Variants in ZBTB11 observed in about 807,000 individuals in gnomAD.
ZBTB11 encodes zinc finger and BTB domain-containing protein 11.
Under a neutral mutation model 113.1 loss-of-function variants are expected in ZBTB11, and 68 were observed. That is an observed-to-expected ratio of 0.60 (90% CI 0.49 to 0.74). The LOEUF (loss-of-function observed/expected upper bound fraction) is 0.74. Among genes scored for constraint, ZBTB11 ranks in the 30% least tolerant of loss-of-function variants. The pLI is 0.00. For synonymous variants in ZBTB11, 518 were observed against 452.6 expected, an observed-to-expected ratio of 1.14 and a Z score of -1.83; for missense variants, 1,104 against 1,279.4, an observed-to-expected ratio of 0.86 and a Z score of 2.09.
In ZBTB11 at chr3:101,651,613, G is replaced by A. The variant is rs1056214935; in HGVS notation, c.2715C>T (p.Val905=). The change falls in exon 11 of 11, where the codon GTC becomes GTT. Residue 905 remains valine, a synonymous_variant. Transcript: ENST00000312938. ...AGGGCCGTTCACCAGTATGTGTTCT[G>A]ACATGGCGTTTTAGAGATCGGGCAT... ...WADARSLKRH[V]RTHTGERPYV... 3 of 1,611,088 alleles carry A rather than the reference G, an allele frequency of 1.9e-6. No homozygotes were observed. The highest frequency in any genetic ancestry group is 2.5e-6 in the Non-Finnish European group (3 of 1,179,354).
intron 3 of ZBTB11, among the ~76,000 whole-genome samples, chr3:101,670,214 T>C (rs552605567): frequency 6.6e-6 from 1 of 152,258 alleles, no homozygotes; most frequent in Non-Finnish European, 1.5e-5. Context: ...CAATAAAGCA[T>C]AAAAGGATAA....
Position 101,665,605 on chromosome 3 carries a change from C to T in ZBTB11, c.982G>A (p.Ala328Thr), listed in dbSNP as rs751339784. The T allele has an allele frequency of 6.2e-7, 1 of 1,614,226 alleles. No homozygotes were observed. Among genetic ancestry groups the T allele is most frequent in the Non-Finnish European group, 8.5e-7 (1 of 1,180,040 alleles). Residue 328 changes from alanine to threonine, a missense_variant, in exon 4 of 11, where the codon GCA (alanine) becomes ACA (threonine). Physicochemically the swap from Ala to Thr is moderately conservative, Grantham distance 58 (BLOSUM62 0). Around this residue, in one of 5 missense-constraint regions of ZBTB11, gnomAD observed 535 missense variants for 518.6 expected, o/e 1.03. Transcript: ENST00000312938. ...VYKKGEVQTV[A>T]STQDLRVQNG... ...TGTACTCGTAAGTCCTGGGTGGATGCAACTGTTTGTACTTCGCCCTTCTTA... is the reference window on the plus strand; with the variant it reads ...TGTACTCGTAAGTCCTGGGTGGATGTAACTGTTTGTACTTCGCCCTTCTTA...
chr3:101,665,808 C>T lies in ZBTB11; in HGVS notation c.779G>A (p.Gly260Asp), dbSNP rs755854679. ...SSHEAVVDLS[G>D]FCKASFLPLL... ...AGGAAGGAAGCTGGCCTTACAAAAACCTGTATGAATACAAAGAAGGTAAAG... is the reference window on the plus strand; with the variant it reads ...AGGAAGGAAGCTGGCCTTACAAAAATCTGTATGAATACAAAGAAGGTAAAG... Residue 260 changes from glycine to aspartate, a missense_variant and splice_region_variant, in exon 4 of 11, where the codon GGT becomes GAT. Gly to Asp is a moderately conservative substitution (Grantham distance 94). Coordinates refer to ENST00000312938, the MANE Select transcript of ZBTB11 (RefSeq NM_014415.4). 1 of 1,582,010 alleles carries T rather than the reference C, an allele frequency of 6.3e-7. No individual in the cohort carries two copies.
intron 1 of ZBTB11, 58 bp downstream of exon 1, chr3:101,676,547 G>C (rs965858484): frequency 1.1e-4 from 160 of 1,422,730 alleles, no homozygotes; most frequent in Non-Finnish European, 1.4e-4. Flanking sequence ...CCTCGCCAGC[G>C]AGCCTTGCCC....
At chr3:101,661,628 C>A (rs763727442) in intron 5 of ZBTB11, among the ~76,000 whole-genome samples, 7 of 152,294 alleles carry the variant, frequency 4.6e-5, no homozygotes, top group Middle Eastern at 6.8e-3. Flanking sequence ...CCATTCTGAT[C>A]CTTATCCTTT....
Position 101,665,374 on chromosome 3 carries a change from A to T in ZBTB11, c.1213T>A (p.Ser405Thr), listed in dbSNP as rs1395932318. The part of the protein sequence containing the change: ...ALSSVGCIAD[S>T]HPEMESVDLI... ...TCAACAGACTCCATTTCAGGATGGG[A>T]ATCAGCTATACATCCTACTGATGAC... is the stretch of plus-strand genomic sequence containing the variant. The change falls in exon 4 of 11, where the codon TCC becomes ACC. Residue 405 changes from serine (S) to threonine (T), a missense_variant. Ser to Thr is a moderately conservative substitution (Grantham distance 58). Around this residue, in one of 5 missense-constraint regions of ZBTB11, gnomAD observed 535 missense variants for 518.6 expected, o/e 1.03. Transcript: ENST00000312938. 1 of 1,614,186 alleles carries T rather than the reference A, an allele frequency of 6.2e-7. No homozygotes were observed. The highest frequency in any genetic ancestry group is 8.5e-7 in the Non-Finnish European group (1 of 1,180,026).
chr3:101,657,228 G>C (rs1434437892), intron 6 of ZBTB11, among the ~76,000 whole-genome samples: 1 of 151,746 alleles, frequency 6.6e-6, no homozygotes, highest in Non-Finnish European at 1.5e-5. Context: ...TGGCGGAGCT[G>C]GGCAAAGTGA....
rs1936978631 is a variant in ZBTB11, at chr3:101,665,458, T to C, written c.1129A>G (p.Asn377Asp). 5 of 1,614,072 alleles carry C rather than the reference T, an allele frequency of 3.1e-6. No homozygotes were observed. The highest frequency in any genetic ancestry group is 1.6e-4 in the Middle Eastern group (1 of 6,084). The change falls in exon 4 of 11, where the codon AAT becomes GAT. Residue 377 changes from asparagine (N) to aspartate (D), a missense_variant. Physicochemically the swap from Asn to Asp is conservative, Grantham distance 23. Around this residue, in one of 5 missense-constraint regions of ZBTB11, gnomAD observed 535 missense variants for 518.6 expected, o/e 1.03. Transcript: ENST00000312938. ...VNGELPEAEQ[N>D]GEVGRQPEPQ... The stretch of plus-strand genomic sequence containing the variant: ...TCAGGCTGTCGTCCTACCTCTCCAT[T>C]CTGCTCAGCTTCTGGCAATTCTCCA...
chr3:101,676,506 C>G, intron 1 of ZBTB11, 99 bp downstream of exon 1: 2 of 1,287,426 alleles, frequency 1.6e-6, no homozygotes, highest in East Asian at 6.0e-5. Flanking sequence ...CAGAGGCGTC[C>G]GAGACCCTCC....
In ZBTB11 at chr3:101,652,629, G is replaced by C; in HGVS notation, c.2511C>G (p.Phe837Leu). Residue 837 changes from phenylalanine (F) to leucine (L), a missense_variant, in exon 10 of 11, where the codon TTC becomes TTG. Physicochemically the swap from Phe to Leu is conservative, Grantham distance 22 (BLOSUM62 0). Transcript: ENST00000312938. ...GGGTAGCTTTCTTTACATGCCTTCTGAACAAAGCTTTTTCATAAAATTCTT... is the reference window on the plus strand; with the variant it reads ...GGGTAGCTTTCTTTACATGCCTTCTCAACAAAGCTTTTTCATAAAATTCTT... ...CGKEFYEKAL[F>L]RRHVKKATHG... is the part of the protein sequence containing the mutation. 6.2e-7 allele frequency: 1 copy of C among 1,613,862 alleles called. No homozygotes were observed. The highest frequency in any genetic ancestry group is 8.5e-7 in the Non-Finnish European group (1 of 1,179,966).
At chr3:101,669,151 G>A (rs1937044789) in intron 3 of ZBTB11, among the ~76,000 whole-genome samples, 1 of 152,092 alleles carries the variant, frequency 6.6e-6, no homozygotes. Context: ...TCCTACCTCA[G>A]CCTCCAAAGT....
At chr3:101,654,878 G>A in intron 7 of ZBTB11, 57 bp from the exon 8 acceptor site, 3 of 1,455,554 alleles carry the variant, frequency 2.1e-6, no homozygotes, top group South Asian at 2.4e-5. Flanking sequence ...TCTTTTAACA[G>A]AATTTTTTTT....
chr3:101,675,821 GC>G (rs978099474), intron 1 of ZBTB11, among the ~76,000 whole-genome samples: 23 of 152,278 alleles, frequency 1.5e-4, no homozygotes, highest in African/African-American at 5.5e-4. Flanking sequence ...CAAGCTGGGC[GC>G]CGTGGCTCAT....
intron 1 of ZBTB11, among the ~76,000 whole-genome samples, chr3:101,673,745 C>T (rs1178384810): frequency 6.6e-6 from 1 of 152,150 alleles, no homozygotes; most frequent in African/African-American, 2.4e-5. Context: ...AAACTCCTGA[C>T]CTCAAGTGAT....
In ZBTB11 at chr3:101,665,233, C is replaced by T; in HGVS notation, c.1354G>A (p.Glu452Lys). Residue 452 changes from glutamate to lysine, a missense_variant, in exon 4 of 11, where the codon GAG (glutamate) becomes AAG (lysine). Transcript: ENST00000312938. Reference protein sequence around the residue: ...SKENVISSSPEDSGMGNDISA... With the variant: ...SKENVISSSPKDSGMGNDISA... ...ATATCATTTCCCATACCACTATCCT[C>T]TGGCGAGCTACTAATTACATTCTCT... is the stretch of plus-strand genomic sequence containing the variant. 2 of 1,614,250 alleles carry T rather than the reference C, an allele frequency of 1.2e-6. No individual in the cohort carries two copies. The highest frequency in any genetic ancestry group is 1.7e-6 in the Non-Finnish European group (2 of 1,180,038).
chr3:101,668,546 T>C (rs1937032824), intron 3 of ZBTB11, among the ~76,000 whole-genome samples: 1 of 151,884 alleles, frequency 6.6e-6, no homozygotes, highest in Non-Finnish European at 1.5e-5. Flanking sequence ...GGAAAATTGC[T>C]TGAGCCCAAA....
At position 101,672,030 on chromosome 3, in the gene ZBTB11, G is replaced by A; in HGVS notation, c.494C>T (p.Thr165Ile). Residue 165 changes from threonine to isoleucine, a missense_variant, in exon 2 of 11, where the codon ACA becomes ATA. Around this residue, in one of 5 missense-constraint regions of ZBTB11, gnomAD observed 245 missense variants for 272.5 expected, o/e 0.90. Transcript: ENST00000312938. Reference sequence around the variant, plus strand: ...CTTCTTTTTTGCAGGCTTGGATGCTGTAGTTGGAGATGAAGTAAAGTTGCT... The same window carrying A: ...CTTCTTTTTTGCAGGCTTGGATGCTATAGTTGGAGATGAAGTAAAGTTGCT... Reference protein sequence around the residue: ...DLSNFTSSPTTASKPAKKKPV... With the variant: ...DLSNFTSSPTIASKPAKKKPV... 1.2e-6 allele frequency: 2 copies of A among 1,614,162 alleles called. No homozygotes were observed. Among genetic ancestry groups the A allele is most frequent in the South Asian group, 1.1e-5 (1 of 91,082 alleles).
chr3:101,650,755 T>C lies in ZBTB11; in HGVS notation c.*411A>G, dbSNP rs1269428372. The stretch of plus-strand genomic sequence containing the variant: ...GCAAATAAATCACAGAATCTCTATA[T>C]TTTGAGAATAAAACAGAAGAAAAGC... On this transcript the variant is annotated 3_prime_UTR_variant, in exon 11 of 11. Transcript: ENST00000312938. 6.5e-6 allele frequency: 1 copy of C among 153,792 alleles called. No homozygotes were observed. Among genetic ancestry groups the C allele is most frequent in the Non-Finnish European group, 1.4e-5 (1 of 69,134 alleles). 9.5% of individuals were successfully genotyped at this position (153,792 alleles called of 1,614,324 possible).
intron 5 of ZBTB11, among the ~76,000 whole-genome samples, chr3:101,663,678 C>T (rs1052677941): frequency 9.9e-5 from 15 of 152,064 alleles, no homozygotes; most frequent in African/African-American, 3.6e-4. Context: ...ATCATTTGAG[C>T]TCAGGAGTTT....
Sources: allele counts gnomAD v4.1 joint callset (sites outside exome capture counted in the v4.1 genomes callset), GRCh38; gene constraint gnomAD v4.1.1; regional missense constraint gnomAD v4.1.1; transcripts MANE v1.5; gene names NCBI Gene and HGNC (gene_info 2026-07-23, HGNC 2026-07-21).